TMEM117: variants seen among roughly 807,000 people sequenced by gnomAD.
The protein encoded by TMEM117 is transmembrane protein 117.
In TMEM117, 27 loss-of-function variants were observed where a neutral mutation model predicts 52.4. The ratio of observed to expected loss-of-function variants is 0.51; its 90% confidence interval spans 0.38 to 0.71. The LOEUF (loss-of-function observed/expected upper bound fraction) is 0.71. Ranked by LOEUF, TMEM117 falls within the 30% of genes least tolerant of loss-of-function variation. The pLI is 0.00. For synonymous variants in TMEM117, 215 were observed against 206.3 expected, an observed-to-expected ratio of 1.04 and a Z score of -0.36; for missense variants, 556 against 630.5, an observed-to-expected ratio of 0.88 and a Z score of 1.26.
chr12:44,365,415 GGGTAGATAA>G (rs1395195171), intron 6 of TMEM117, among the ~76,000 whole-genome samples: 1 of 151,952 alleles, frequency 6.6e-6, no homozygotes, highest in Non-Finnish European at 1.5e-5. Context: ...GGCTTAAAGT[GGGTAGATAA>G]TTGCAATATT....
At chr12:44,303,834 C>T (rs1334253734) in intron 6 of TMEM117, among the ~76,000 whole-genome samples, 1 of 152,170 alleles carries the variant, frequency 6.6e-6, no homozygotes, top group East Asian at 1.9e-4. Context: ...TTCACCACTA[C>T]ACAATCTATC....
At chr12:43,908,741 A>C (rs1944437832) in intron 2 of TMEM117, among the ~76,000 whole-genome samples, 1 of 152,144 alleles carries the variant, frequency 6.6e-6, no homozygotes, top group Non-Finnish European at 1.5e-5. Context: ...AGATCAAAAC[A>C]GACAAAGAAG....
At chr12:44,262,504 A>G (rs1361539207) in intron 5 of TMEM117, among the ~76,000 whole-genome samples, 1 of 152,238 alleles carries the variant, frequency 6.6e-6, no homozygotes, top group Non-Finnish European at 1.5e-5. Context: ...TGTCCAAACT[A>G]TAAAAGTATA....
intron 4 of TMEM117, among the ~76,000 whole-genome samples, chr12:44,158,374 A>G (rs1294558982): frequency 1.3e-5 from 2 of 151,108 alleles, no homozygotes; most frequent in Non-Finnish European, 2.9e-5. Flanking sequence ...CTGCTCAAGG[A>G]CAACAACTTT....
intron 5 of TMEM117, among the ~76,000 whole-genome samples, chr12:44,268,499 A>G (rs1322900612): frequency 6.6e-6 from 1 of 152,028 alleles, no homozygotes; most frequent in African/African-American, 2.4e-5. Context: ...ATTATGAGAA[A>G]TACTACATAT....
chr12:44,231,791 T>A (rs1658861273), intron 5 of TMEM117, among the ~76,000 whole-genome samples: 1 of 151,856 alleles, frequency 6.6e-6, no homozygotes. Flanking sequence ...GGTTTATATG[T>A]ATTTTCATAA....
chr12:44,371,867 A>G (rs1002421250), intron 6 of TMEM117, among the ~76,000 whole-genome samples: 2 of 152,204 alleles, frequency 1.3e-5, no homozygotes, highest in African/African-American at 4.8e-5. Flanking sequence ...TTTTCATTGC[A>G]TAGGCAAAAG....
At chr12:44,138,129 A>G (rs1407770226) in intron 3 of TMEM117, among the ~76,000 whole-genome samples, 1 of 152,136 alleles carries the variant, frequency 6.6e-6, no homozygotes, top group Non-Finnish European at 1.5e-5. Context: ...TGCAAGCTTA[A>G]TCTTTTCTGG....
intron 6 of TMEM117, among the ~76,000 whole-genome samples, chr12:44,358,199 A>G (rs1565752942): frequency 6.6e-6 from 1 of 152,102 alleles, no homozygotes; most frequent in Non-Finnish European, 1.5e-5. Flanking sequence ...TCAAAGGTTG[A>G]AAAACTAACT....
intron 1 of TMEM117, among the ~76,000 whole-genome samples, chr12:43,836,498 A>C (rs2137333569): frequency 6.6e-6 from 1 of 151,684 alleles, no homozygotes; most frequent in African/African-American, 2.4e-5. Flanking sequence ...GAGTCCTCAA[A>C]CTCCCGGCTC....
intron 4 of TMEM117, among the ~76,000 whole-genome samples, chr12:44,196,206 G>C (rs1411074989): frequency 6.6e-6 from 1 of 152,012 alleles, no homozygotes; most frequent in Non-Finnish European, 1.5e-5. Context: ...TAAGCATTAA[G>C]AATTTAGAAA....
At chr12:43,929,741 G>A (rs1002327930) in intron 2 of TMEM117, among the ~76,000 whole-genome samples, 5 of 151,996 alleles carry the variant, frequency 3.3e-5, no homozygotes, top group African/African-American at 1.2e-4. Context: ...AATATATTAT[G>A]TGCATATTTA....
intron 4 of TMEM117, among the ~76,000 whole-genome samples, chr12:44,162,275 G>T (rs1301678568): frequency 6.6e-6 from 1 of 152,104 alleles, no homozygotes; most frequent in Admixed American, 6.6e-5. Flanking sequence ...CCCTTCTTTA[G>T]GCCCTCATGC....
chr12:43,920,765 C>A (rs184620840), intron 2 of TMEM117, among the ~76,000 whole-genome samples: 1 of 152,134 alleles, frequency 6.6e-6, no homozygotes, highest in East Asian at 1.9e-4. Context: ...TAAAATCCAT[C>A]CTTTAAAATG....
chr12:44,255,060 G>T (rs1024768220), intron 5 of TMEM117, among the ~76,000 whole-genome samples: 3 of 152,084 alleles, frequency 2.0e-5, no homozygotes, highest in Non-Finnish European at 2.9e-5. Flanking sequence ...GTCTATCGTT[G>T]TTGGACATTT....
chr12:44,330,012 G>GT (rs550703419), intron 6 of TMEM117, among the ~76,000 whole-genome samples: 8 of 152,018 alleles, frequency 5.3e-5, no homozygotes, highest in East Asian at 1.9e-4. Flanking sequence ...ACTTTCAGGG[G>GT]TTTTTTTGGA....
At chr12:43,982,922 A>G (rs4768060) in intron 3 of TMEM117, among the ~76,000 whole-genome samples, 136,321 of 152,220 alleles carry the variant, frequency 0.9, 61,784 homozygotes, top group Non-Finnish European at 0.96. Flanking sequence ...TCCTTAATCT[A>G]TTATTCTAAA....
At chr12:43,877,742 T>C (rs1474476162) in intron 2 of TMEM117, among the ~76,000 whole-genome samples, 1 of 152,146 alleles carries the variant, frequency 6.6e-6, no homozygotes, top group Non-Finnish European at 1.5e-5. Context: ...AAGAAAAAGT[T>C]TGAATAAAAT....
intron 4 of TMEM117, among the ~76,000 whole-genome samples, chr12:44,186,444 A>G (rs1052271348): frequency 3.9e-5 from 6 of 152,184 alleles, no homozygotes; most frequent in African/African-American, 1.4e-4. Context: ...GAGCTGTTAA[A>G]TGCACATGGA....
Sources: allele counts gnomAD v4.1 joint callset (sites outside exome capture counted in the v4.1 genomes callset), GRCh38; gene constraint gnomAD v4.1.1; transcripts MANE v1.5; gene names NCBI Gene and HGNC (gene_info 2026-07-23, HGNC 2026-07-21).